The following COL4A4 variants were observed in gnomAD, a reference collection of about 807,000 sequenced individuals.
COL4A4 encodes the protein collagen type IV alpha 4 chain, also known as collagen alpha-4(IV) chain.
Under a neutral mutation model 192.9 loss-of-function variants are expected in COL4A4, and 105 were observed. The ratio of observed to expected loss-of-function variants is 0.54; its 90% confidence interval spans 0.46 to 0.64. The LOEUF (loss-of-function observed/expected upper bound fraction) is 0.64, where lower values mean the gene tolerates loss of function less well. Among genes scored for constraint, COL4A4 ranks in the 30% least tolerant of loss-of-function variants. COL4A4 has a pLI of 0.00. For synonymous variants in COL4A4, 762 were observed against 769.9 expected (o/e 0.99, Z 0.17); for missense variants, 1,967 against 2,169.3 (o/e 0.91, Z 1.85).
At chr2:227,010,533 G>A in intron 45 of COL4A4, 32 bp from the exon 46 acceptor site, 2 of 1,490,754 alleles carry the variant, frequency 1.3e-6, no homozygotes, top group Non-Finnish European at 1.8e-6. Context: ...ATTGAAGGCA[G>A]GTTAGGGGGT....
the COL4A4 span, among the ~76,000 whole-genome samples, chr2:226,993,643 G>C: frequency 6.6e-6 from 1 of 152,164 alleles, no homozygotes; most frequent in African/African-American, 2.4e-5. Context: ...AGGGTACCAG[G>C]GGTTGGGGAG....
Position 227,088,820 on chromosome 2 carries a change from G to A in COL4A4, c.1460-4C>T, listed in dbSNP as rs1401402281. 3 of 1,614,038 alleles carry A rather than the reference G, an allele frequency of 1.9e-6. No individual in the cohort carries two copies. Among genetic ancestry groups the A allele is most frequent in the Non-Finnish European group, 8.5e-7 (1 of 1,180,002 alleles). On this transcript the variant is annotated splice_polypyrimidine_tract_variant and splice_region_variant and intron_variant, in intron 21 of 47. Transcript: ENST00000396625. ...CAGGCACAGAGTCCTTCATTTCCTA[G>A]ACAGAGGATCAATGGCAGATTTGTC...
chr2:227,150,614 T>C (rs1441366557), intron 1 of COL4A4, among the ~76,000 whole-genome samples: 1 of 152,224 alleles, frequency 6.6e-6, no homozygotes, highest in Non-Finnish European at 1.5e-5. Context: ...AGGAGATTAA[T>C]TGATTTGCAT....
chr2:227,121,217 C>CTCATT lies in COL4A4; in HGVS notation c.193-74_193-70dup, dbSNP rs1474476264. ...TACTGTCTTCTAACACAAACATATA[C>CTCATT]TCATTCAGGCCTACAGAAGACTTGG... On this transcript the variant is annotated intron_variant, in intron 4 of 47. Coordinates refer to ENST00000396625, the MANE Select transcript of COL4A4 (RefSeq NM_000092.5). 4 of 1,525,226 alleles carry CTCATT rather than the reference C, an allele frequency of 2.6e-6. No homozygotes were observed. In the African/African-American group the frequency reaches 5.5e-5, roughly 21 times the overall value. 94.5% of individuals were successfully genotyped at this position (1,525,226 alleles called of 1,614,324 possible). A position where few individuals can be genotyped will look rare whatever the true frequency, so the allele number is the denominator to read the frequency against.
chr2:227,028,349 T>C (rs1324986753), intron 41 of COL4A4, among the ~76,000 whole-genome samples: 1 of 152,210 alleles, frequency 6.6e-6, no homozygotes, highest in East Asian at 1.9e-4. Flanking sequence ...GGGAACAACG[T>C]GCCTCCCCAG....
the COL4A4 span, chr2:226,995,475 C>A: frequency 1.2e-6 from 2 of 1,613,162 alleles, no homozygotes; most frequent in Non-Finnish European, 1.7e-6. Context: ...TCATCTCTCA[C>A]CAGAAGAAAT....
Position 227,060,197 on chromosome 2 carries a change from A to G in COL4A4, c.2103T>C (p.Gly701=). Residue 701 remains glycine (G), a synonymous_variant, in exon 27 of 48, where the codon GGT becomes GGC. Transcript: ENST00000396625. ...PGPQGAPGLS[G]SDGHKGRPGT... ...CAGGTCTGCCTTTATGCCCATCTGA[A>G]CCACTCAGCCCAGGGGCACCTTGGG... 6.2e-7 allele frequency: 1 copy of G among 1,612,130 alleles called. No homozygotes were observed. The highest frequency in any genetic ancestry group is 8.5e-7 in the Non-Finnish European group (1 of 1,179,544).
intron 37 of COL4A4, among the ~76,000 whole-genome samples, chr2:227,040,568 CTTTTTTT>C (rs66552238): frequency 5.7e-5 from 8 of 141,028 alleles, no homozygotes; most frequent in African/African-American, 1.8e-4. Flanking sequence ...AATACTTTTT[CTTTTTTT>C]TTTTTTTTGA....
chr2:227,110,658 G>A (rs954418550), intron 9 of COL4A4, among the ~76,000 whole-genome samples: 1 of 148,808 alleles, frequency 6.7e-6, no homozygotes, highest in Admixed American at 6.7e-5. Context: ...TGGGATTACA[G>A]GTGTGAGCCA....
At chr2:227,001,780 CAT>C (rs1250163814), downstream of COL4A4, among the ~76,000 whole-genome samples, 1 of 151,864 alleles carries the variant, frequency 6.6e-6, no homozygotes, top group African/African-American at 2.4e-5. Flanking sequence ...GCTGCTGTGA[CAT>C]AGTAGACGGT....
intron 31 of COL4A4, among the ~76,000 whole-genome samples, chr2:227,053,767 C>T (rs147481042): frequency 2.6e-5 from 4 of 151,940 alleles, no homozygotes; most frequent in African/African-American, 9.7e-5. Context: ...AGGATGGTCT[C>T]GATCTCCTGA....
rs867561884 is a variant in COL4A4 at position 227,109,575 on chromosome 2, C to T, written c.595-289G>A. The T allele has an allele frequency of 6.4e-5, 33 of 514,118 alleles. 1 individual carries two copies. The Middle Eastern group carries it at 4.4e-3, about 68-fold the overall frequency. The allele number at this position is 514,118 out of a possible 1,614,324, so 31.8% of individuals were successfully genotyped here. ...CATCCTGGCCAACATGGTGAAACCC[C>T]GTCTCTACTAAAAATACAAAAATTA... On this transcript the variant is annotated intron_variant, in intron 9 of 47. Coordinates refer to ENST00000396625, the MANE Select transcript of COL4A4 (RefSeq NM_000092.5).
At chr2:227,062,075 T>C (rs570430605) in intron 26 of COL4A4, among the ~76,000 whole-genome samples, 1 of 152,072 alleles carries the variant, frequency 6.6e-6, no homozygotes, top group East Asian at 1.9e-4. Context: ...CTGTCTCTAC[T>C]AAAAACACAA....
At chr2:226,991,996 G>A in the COL4A4 span, among the ~76,000 whole-genome samples, 1 of 152,256 alleles carries the variant, frequency 6.6e-6, no homozygotes, top group East Asian at 1.9e-4. Context: ...ACCACCCCAA[G>A]GAAGCTTGTC....
At chr2:226,994,727 C>A in the COL4A4 span, among the ~76,000 whole-genome samples, 2 of 152,160 alleles carry the variant, frequency 1.3e-5, no homozygotes, top group Non-Finnish European at 2.9e-5. Context: ...CCCTTTATTA[C>A]TACTCATGAT....
intron 25 of COL4A4, among the ~76,000 whole-genome samples, chr2:227,072,709 A>G (rs752363506): frequency 5.6e-4 from 86 of 152,224 alleles, no homozygotes; most frequent in Non-Finnish European, 4.1e-4. Flanking sequence ...CATCATGATC[A>G]AGTGGTTTTC....
At chr2:227,055,348 T>TA (rs111421254) in intron 30 of COL4A4, among the ~76,000 whole-genome samples, 64,402 of 139,530 alleles carry the variant, frequency 0.46, 14,714 homozygotes, top group South Asian at 0.63. Context: ...TCCTGTCTCC[T>TA]AAAAAAAAAA....
chr2:227,119,797 T>G, intron 6 of COL4A4, 98 bp downstream of exon 6: 1 of 576,498 alleles, frequency 1.7e-6, no homozygotes, highest in Non-Finnish European at 2.8e-6. Flanking sequence ...GTGGTTTCTA[T>G]AAATATATAT....
chr2:227,019,709 C>T (rs1369834222), intron 44 of COL4A4, among the ~76,000 whole-genome samples: 1 of 152,174 alleles, frequency 6.6e-6, no homozygotes, highest in Non-Finnish European at 1.5e-5. Context: ...CTCTTGTTGC[C>T]CAGGCTAGAG....
Sources: gnomAD v4.1 joint callset for allele counts (sites outside exome capture counted in the v4.1 genomes callset) on GRCh38, gnomAD v4.1.1 for gene constraint, MANE v1.5 for transcripts, NCBI Gene and HGNC (gene_info 2026-07-23, HGNC 2026-07-21) for gene names.